Variants in GALK2 observed in about 807,000 individuals in gnomAD.
GALK2 encodes N-acetylgalactosamine kinase.
In GALK2, 36 loss-of-function variants were observed where a neutral mutation model predicts 52.4. The ratio of observed to expected loss-of-function variants is 0.69; its 90% CI spans 0.53 to 0.91. The LOEUF is 0.91. Ranked by LOEUF, GALK2 falls within the 40% of genes least tolerant of loss-of-function variation. The pLI is 0.00. For synonymous variants in GALK2, 176 were observed against 199.1 expected (o/e 0.88, Z 0.98); for missense variants, 579 against 559.1 (o/e 1.04, Z -0.36).
intron 1 of GALK2, among the ~76,000 whole-genome samples, chr15:49,187,167 G>T (rs1384125236): frequency 6.6e-6 from 1 of 152,248 alleles, no homozygotes; most frequent in Non-Finnish European, 1.5e-5. Flanking sequence ...CCCACACCCA[G>T]TAACACTGTG....
intron 8 of GALK2, among the ~76,000 whole-genome samples, chr15:49,311,479 T>C (rs551491264): frequency 1.8e-4 from 27 of 152,358 alleles, no homozygotes; most frequent in African/African-American, 6.5e-4. Flanking sequence ...GTAGTCAAAG[T>C]ACTTTGTTTC....
intron 5 of GALK2, among the ~76,000 whole-genome samples, chr15:49,265,165 T>G (rs1482287934): frequency 1.3e-5 from 2 of 152,150 alleles, no homozygotes; most frequent in Non-Finnish European, 2.9e-5. Context: ...TCTGTGCCCT[T>G]CCCCCAGAGG....
chr15:49,210,020 G>C (rs1257470310), intron 2 of GALK2, among the ~76,000 whole-genome samples: 1 of 152,106 alleles, frequency 6.6e-6, no homozygotes, highest in Non-Finnish European at 1.5e-5. Flanking sequence ...ACTTGTTATT[G>C]GTGCGTTCAG....
chr15:49,233,863 C>T (rs1326099239), intron 3 of GALK2, among the ~76,000 whole-genome samples: 1 of 152,116 alleles, frequency 6.6e-6, no homozygotes, highest in East Asian at 1.9e-4. Context: ...ATTATTATCA[C>T]GTGCCATTAC....
intron 9 of GALK2, among the ~76,000 whole-genome samples, chr15:49,325,140 G>A (rs1218002823): frequency 1.3e-5 from 2 of 152,074 alleles, no homozygotes; most frequent in Non-Finnish European, 2.9e-5. Context: ...TGGCTATATT[G>A]GGTGCCTGGA....
At chr15:49,306,963 TATAAAG>T (rs1442893501) in intron 8 of GALK2, among the ~76,000 whole-genome samples, 11 of 152,196 alleles carry the variant, frequency 7.2e-5, no homozygotes, top group African/African-American at 2.2e-4. Context: ...CCAAGGGGGC[TATAAAG>T]ATAAAGAGGG....
intron 1 of GALK2, among the ~76,000 whole-genome samples, chr15:49,196,695 A>G (rs890444177): frequency 6.6e-6 from 1 of 152,142 alleles, no homozygotes; most frequent in Non-Finnish European, 1.5e-5. Flanking sequence ...GGTGTCTTAT[A>G]ATCTCTTATT....
At chr15:49,357,566 T>C (rs1309484628) in intron 3 of GALK2, among the ~76,000 whole-genome samples, 1 of 151,358 alleles carries the variant, frequency 6.6e-6, no homozygotes, top group African/African-American at 2.4e-5. Flanking sequence ...AACAGACCAA[T>C]AACAGGAGCT....
At chr15:49,183,736 G>GGGA (rs1242746872) in intron 1 of GALK2, among the ~76,000 whole-genome samples, 2 of 151,976 alleles carry the variant, frequency 1.3e-5, no homozygotes, top group Non-Finnish European at 2.9e-5. Flanking sequence ...CCAGCTACTT[G>GGGA]GGAGGCTGAG....
At chr15:49,359,647 T>C (rs891638592) in intron 3 of GALK2, among the ~76,000 whole-genome samples, 30 of 131,086 alleles carry the variant, frequency 2.3e-4, no homozygotes, top group African/African-American at 8.4e-4. Flanking sequence ...GGTGGGACTG[T>C]AAACTAGTTC....
At chr15:49,335,438 T>A, downstream of GALK2, 1 of 1,612,372 alleles carries the variant, frequency 6.2e-7, no homozygotes, top group Non-Finnish European at 8.5e-7. Flanking sequence ...TCCTTTTGGT[T>A]CCTTGCAAAT....
intron 8 of GALK2, among the ~76,000 whole-genome samples, chr15:49,313,517 C>G (rs1166791487): frequency 6.6e-6 from 1 of 152,212 alleles, no homozygotes; most frequent in Non-Finnish European, 1.5e-5. Context: ...ACTACTGGTC[C>G]TTCCCCAGCA....
rs547759626 is a variant in GALK2 at position 49,161,706 on chromosome 15, A to C, written c.20+5690A>C. On this transcript the variant is annotated intron_variant, in intron 1 of 9. Transcript: ENST00000327171. ...TTAAGCTGCACATACTTAAAGTATA[A>C]AATTTATTTATTTATTTTATTTTAT... The C allele has an allele frequency of 4.0e-5, 7 of 176,608 alleles. No individual in the cohort carries two copies. In the East Asian group the frequency reaches 1.0e-3, roughly 26 times the overall value. 10.9% of individuals were successfully genotyped at this position (176,608 alleles called of 1,614,324 possible). A position where few individuals can be genotyped will look rare whatever the true frequency, so the allele number is the denominator to read the frequency against.
At chr15:49,269,619 A>G (rs17475228) in intron 5 of GALK2, among the ~76,000 whole-genome samples, 37,611 of 152,116 alleles carry the variant, frequency 0.25, 4,956 homozygotes, top group African/African-American at 0.31. Context: ...ACAAGGAAGT[A>G]TAGTTTTTCC....
At chr15:49,333,864 C>A (rs1028426022), downstream of GALK2, among the ~76,000 whole-genome samples, 8 of 152,072 alleles carry the variant, frequency 5.3e-5, no homozygotes, top group African/African-American at 1.9e-4. Flanking sequence ...TTTCTTGCTT[C>A]ATTGAGGAAA....
intron 3 of GALK2, chr15:49,366,088 T>C: frequency 1.2e-6 from 1 of 858,424 alleles, no homozygotes; most frequent in Non-Finnish European, 2.0e-6. Context: ...TTGTCACTGC[T>C]TTCAAGTTTT....
chr15:49,245,730 TA>T (rs1258432005), intron 5 of GALK2, among the ~76,000 whole-genome samples: 1 of 152,188 alleles, frequency 6.6e-6, no homozygotes, highest in Non-Finnish European at 1.5e-5. Context: ...AGCGAGGGCC[TA>T]TTTTTTTAAA....
intron 5 of GALK2, among the ~76,000 whole-genome samples, chr15:49,257,764 T>G (rs888390149): frequency 2.6e-5 from 4 of 151,980 alleles, no homozygotes; most frequent in Non-Finnish European, 4.4e-5. Flanking sequence ...CAGCACAACA[T>G]CTTAAATGGG....
At chr15:49,170,428 G>T in intron 1 of GALK2, 53 bp downstream of exon 1, 3 of 1,541,792 alleles carry the variant, frequency 1.9e-6, no homozygotes, top group Non-Finnish European at 2.6e-6. Context: ...GCTACGTGTA[G>T]ATCGGGTCCA....
Sources: gnomAD v4.1 joint callset for allele counts (sites outside exome capture counted in the v4.1 genomes callset) on GRCh38, gnomAD v4.1.1 for gene constraint, MANE v1.5 for transcripts, NCBI Gene and HGNC (gene_info 2026-07-23, HGNC 2026-07-21) for gene names.